The following DCAF8L2 variants were observed in gnomAD, a reference collection of about 807,000 sequenced individuals.
DCAF8L2 encodes DDB1- and CUL4-associated factor 8-like protein 2.
For missense variants in DCAF8L2, 430 were observed against 490.7 expected (o/e 0.88, Z 1.17); for synonymous variants, 200 against 190.9 (o/e 1.05, Z -0.39).
chrX:27,700,363 T>C (rs1055689006), intron 3 of DCAF8L2, among the ~76,000 whole-genome samples: 1 of 85,068 alleles, frequency 1.2e-5, no homozygotes, highest in Non-Finnish European at 2.3e-5. Flanking sequence ...CATCTGGAAA[T>C]GGGTCATAAG....
intron 4 of DCAF8L2, among the ~76,000 whole-genome samples, chrX:27,724,011 A>G (rs1202532995): frequency 2.7e-5 from 3 of 110,854 alleles, no homozygotes; most frequent in Admixed American, 9.7e-5. Context: ...GCTAGTGAAT[A>G]TATTTTCATA....
At chrX:27,565,463 T>G in the DCAF8L2 span, among the ~76,000 whole-genome samples, 3 of 111,991 alleles carry the variant, frequency 2.7e-5, no homozygotes, top group Non-Finnish European at 3.8e-5. Context: ...TTGCTAGTAT[T>G]TAATTGAGGA....
intron 3 of DCAF8L2, among the ~76,000 whole-genome samples, chrX:27,707,275 A>G (rs910973494): frequency 8.9e-6 from 1 of 112,077 alleles, no homozygotes; most frequent in Non-Finnish European, 1.9e-5. Context: ...TTTTTATTGA[A>G]TGTTAATATC....
chrX:27,535,030 C>T, the DCAF8L2 span, among the ~76,000 whole-genome samples: 1 of 112,186 alleles, frequency 8.9e-6, no homozygotes, highest in Non-Finnish European at 1.9e-5. Flanking sequence ...GTTGTATTCA[C>T]CAAATTCTAT....
At chrX:27,541,995 T>C in the DCAF8L2 span, among the ~76,000 whole-genome samples, 3 of 112,030 alleles carry the variant, frequency 2.7e-5, no homozygotes, top group Middle Eastern at 4.2e-3. Context: ...CGCCTCCAGC[T>C]ACATCCATGT....
chrX:27,713,579 TA>T (rs761051962), intron 3 of DCAF8L2, among the ~76,000 whole-genome samples: 19 of 112,020 alleles, frequency 1.7e-4, no homozygotes, highest in Non-Finnish European at 3.4e-4. Context: ...AAAAAGGTAT[TA>T]ATGTTAGAAG....
At chrX:27,701,022 A>G (rs996829287) in intron 3 of DCAF8L2, among the ~76,000 whole-genome samples, 2 of 111,292 alleles carry the variant, frequency 1.8e-5, no homozygotes, top group Non-Finnish European at 3.8e-5. Context: ...ATTAAAATCC[A>G]TAATTTATAT....
intron 4 of DCAF8L2, among the ~76,000 whole-genome samples, chrX:27,731,161 T>C (rs1921170718): frequency 9.1e-6 from 1 of 109,629 alleles, no homozygotes; most frequent in Non-Finnish European, 1.9e-5. Flanking sequence ...GGCGGGTGGA[T>C]CACTTGAGGT....
the DCAF8L2 span, among the ~76,000 whole-genome samples, chrX:27,563,847 T>C: frequency 8.9e-6 from 1 of 112,061 alleles, no homozygotes; most frequent in African/African-American, 3.2e-5. Flanking sequence ...TCATACAGTA[T>C]GTATTTGATT....
intron 1 of DCAF8L2, among the ~76,000 whole-genome samples, chrX:27,621,641 C>A (rs894388498): frequency 2.7e-5 from 3 of 111,274 alleles, no homozygotes; most frequent in African/African-American, 9.8e-5. Context: ...CACCCCCACA[C>A]CCATACAGCG....
rs750443925 is a variant in DCAF8L2, at chrX:27,640,864, A to G, written c.-220+8864A>G. Among the ~76,000 whole-genome samples the G allele has an allele frequency of 2.0e-4, 22 of 111,875 alleles. No homozygotes were observed. The South Asian group carries it at 8.1e-3, about 41-fold the overall frequency. The stretch of plus-strand genomic sequence containing the variant: ...TTTAATTTGAATTTCTCTAATGACT[A>G]ATGATGTTCATATACATTTATGTAC... On this transcript the variant is annotated intron_variant, in intron 2 of 4. Transcript: ENST00000451261.
At chrX:27,672,992 C>T (rs1359198654) in intron 2 of DCAF8L2, among the ~76,000 whole-genome samples, 1 of 110,842 alleles carries the variant, frequency 9.0e-6, no homozygotes, top group African/African-American at 3.3e-5. Flanking sequence ...TGAGGCCTAT[C>T]AGAGTCCCCA....
chrX:27,533,176 A>AGAGAGAGAG, the DCAF8L2 span, among the ~76,000 whole-genome samples: 1 of 14,851 alleles, frequency 6.7e-5, no homozygotes, highest in Non-Finnish European at 1.5e-4. Context: ...GAAAGAAAGA[A>AGAGAGAGAG]AGAAAGAAAG....
the DCAF8L2 span, among the ~76,000 whole-genome samples, chrX:27,494,385 G>A: frequency 1.8e-5 from 2 of 110,917 alleles, no homozygotes; most frequent in Non-Finnish European, 3.8e-5. Context: ...TAGCCTGGGC[G>A]ACAGAGCAAG....
chrX:27,723,482 TTCTGAG>T (rs1318231338), intron 4 of DCAF8L2, among the ~76,000 whole-genome samples: 1 of 111,403 alleles, frequency 9.0e-6, no homozygotes, highest in African/African-American at 3.2e-5. Flanking sequence ...TAGAAAATGA[TTCTGAG>T]TTTTTTATAA....
intron 3 of DCAF8L2, among the ~76,000 whole-genome samples, chrX:27,700,091 T>G (rs573683459): frequency 1.8e-5 from 2 of 111,074 alleles, no homozygotes; most frequent in African/African-American, 6.5e-5. Context: ...TTTATACTGA[T>G]AAAATCTAGG....
the DCAF8L2 span, among the ~76,000 whole-genome samples, chrX:27,570,527 G>C: frequency 1.8e-5 from 2 of 111,598 alleles, no homozygotes; most frequent in Non-Finnish European, 3.8e-5. Context: ...TGCAGTTTCT[G>C]TCTGGCATGT....
chrX:27,523,859 C>A, the DCAF8L2 span, among the ~76,000 whole-genome samples: 1 of 110,616 alleles, frequency 9.0e-6, no homozygotes, highest in African/African-American at 3.3e-5. Context: ...TGAGTGAGAA[C>A]ATGCGGTGTT....
the DCAF8L2 span, among the ~76,000 whole-genome samples, chrX:27,514,301 G>A: frequency 0.076 from 3,617 of 47,567 alleles, 167 homozygotes; most frequent in African/African-American, 0.17. Context: ...GTGCATATGT[G>A]CACATATGTG....
Sources: allele counts gnomAD v4.1 joint callset (sites outside exome capture counted in the v4.1 genomes callset), GRCh38; gene constraint gnomAD v4.1.1; transcripts MANE v1.5; gene names NCBI Gene and HGNC (gene_info 2026-07-23, HGNC 2026-07-21).